The following FAM200A variants were observed in gnomAD, a reference collection of about 807,000 sequenced individuals.
FAM200A encodes the protein protein FAM200A.
Under a neutral mutation model 44.2 loss-of-function variants are expected in FAM200A, and 26 were observed. That is an observed-to-expected ratio of 0.59 (90% CI 0.43 to 0.82). The LOEUF (loss-of-function observed/expected upper bound fraction) is 0.82. Ranked by LOEUF, FAM200A falls within the 40% of genes least tolerant of loss-of-function variation. The pLI, the probability that FAM200A is intolerant of heterozygous loss-of-function variation, is 0.00. For missense variants in FAM200A, 606 were observed against 669.5 expected (o/e 0.91, Z 1.05); for synonymous variants, 206 against 244.4 (o/e 0.84, Z 1.47).
At chr7:99,551,187 A>C (rs770474380) in intron 1 of FAM200A, among the ~76,000 whole-genome samples, 5 of 152,054 alleles carry the variant, frequency 3.3e-5, no homozygotes, top group Non-Finnish European at 7.4e-5. Flanking sequence ...AGTAGGCTTC[A>C]AACATTCTCT....
intron 1 of FAM200A, among the ~76,000 whole-genome samples, chr7:99,549,249 C>G (rs1802473356): frequency 6.8e-6 from 1 of 146,858 alleles, no homozygotes; most frequent in African/African-American, 2.5e-5. Context: ...TACATAGATC[C>G]ATGAATTATT....
At chr7:99,555,041 T>A (rs551994231), upstream of FAM200A, among the ~76,000 whole-genome samples, 1 of 152,230 alleles carries the variant, frequency 6.6e-6, no homozygotes, top group Non-Finnish European at 1.5e-5. Flanking sequence ...GGTTGAATTG[T>A]ACCTCCACCT....
upstream of FAM200A, among the ~76,000 whole-genome samples, chr7:99,553,913 G>C (rs1802624413): frequency 6.6e-6 from 1 of 152,162 alleles, no homozygotes; most frequent in Non-Finnish European, 1.5e-5. Context: ...CTTGGCTATC[G>C]GTGGGTTCCT....
upstream of FAM200A, among the ~76,000 whole-genome samples, chr7:99,553,099 A>ATATAT (rs1254408398): frequency 1.3e-4 from 8 of 61,418 alleles, no homozygotes; most frequent in African/African-American, 3.0e-4. Context: ...ATATATATAT[A>ATATAT]TTTTTTTTTT....
chr7:99,548,617 T>C, intron 1 of FAM200A, 111 bp from the exon 2 acceptor site: 12 of 892,452 alleles, frequency 1.3e-5, no homozygotes, highest in Non-Finnish European at 2.0e-5. Flanking sequence ...TGGTAAATGA[T>C]GAGCAACTGT....
upstream of FAM200A, among the ~76,000 whole-genome samples, chr7:99,553,306 T>G (rs932060929): frequency 6.6e-5 from 10 of 151,718 alleles, no homozygotes; most frequent in African/African-American, 2.2e-4. Context: ...TTCTTCTTTG[T>G]CTAAAGTCTC....
chr7:99,547,354 CAA>C lies in FAM200A; in HGVS notation c.1052_1053del (p.Phe351TrpfsTer4). ...TTCAGGCTTAATTCATTAAGAATGC[CAA>C]AAATATCACTTAAATATGCCAATTT... ...VTKLAYLSDI[F>X]GILNELSLKM... On this transcript the variant is annotated frameshift_variant, in exon 2 of 2. Coordinates refer to ENST00000449309, the MANE Select transcript of FAM200A (RefSeq NM_145111.4). LOFTEE classifies it high-confidence loss of function. The C allele has an allele frequency of 6.5e-7, 1 of 1,549,200 alleles. No individual in the cohort carries two copies. The highest frequency in any genetic ancestry group is 8.7e-7 in the Non-Finnish European group (1 of 1,145,982).
At position 99,547,218 on chromosome 7, in the gene FAM200A, T is replaced by G. The variant is rs766837243; in HGVS notation, c.1190A>C (p.Tyr397Ser). 13 of 1,550,590 alleles carry G rather than the reference T, an allele frequency of 8.4e-6. No individual in the cohort carries two copies. In the South Asian group the frequency reaches 1.6e-4, roughly 19 times the overall value. Residue 397 changes from tyrosine to serine, a missense_variant, in exon 2 of 2, where the codon TAT (tyrosine) becomes TCT (serine). Physicochemically the swap from Tyr to Ser is moderately radical, Grantham distance 144. Transcript: ENST00000449309. Reference protein sequence around the residue: ...ARLKSNRPSYYMFPTLLQHIE... With the variant: ...ARLKSNRPSYSMFPTLLQHIE... ...GTGTTGCAATAATGTTGGAAACATATAGTAGCTAGGGCGGTTACTTTTAAG... is the reference window on the plus strand; with the variant it reads ...GTGTTGCAATAATGTTGGAAACATAGAGTAGCTAGGGCGGTTACTTTTAAG...
Position 99,548,524 on chromosome 7 carries a change from G to A in FAM200A, c.-99-18C>T, listed in dbSNP as rs910482085. ...TTGCTATCCTGCAGGGTAGAAAAAC[G>A]TAACAGCAGTATTAAAAAGCAACAT... On this transcript the variant is annotated intron_variant, in intron 1 of 1. Coordinates refer to ENST00000449309, the MANE Select transcript of FAM200A (RefSeq NM_145111.4). The A allele has an allele frequency of 1.9e-5, 28 of 1,470,872 alleles. No individual in the cohort carries two copies. In the East Asian group the frequency reaches 5.0e-4, roughly 26 times the overall value. The allele number at this position is 1,470,872 out of a possible 1,614,324, so 91.1% of individuals were successfully genotyped here.
rs1406123554 is a variant in FAM200A, at chr7:99,548,158, T to C, written c.250A>G (p.Ile84Val). 3 of 1,552,252 alleles carry C rather than the reference T, an allele frequency of 1.9e-6. No homozygotes were observed. The East Asian group carries it at 7.3e-5, about 38-fold the overall frequency. ...ATGTCCATACATGCTGGAAGGATAA[T>C]TTTTTCAGCCGCTGTGTGAGCCATT... ...EKMAHTAAEKIILPACMDMVR... is the reference protein window; with the variant it reads ...EKMAHTAAEKVILPACMDMVR... The change falls in exon 2 of 2, where the codon ATT (isoleucine) becomes GTT (valine). Residue 84 changes from isoleucine (I) to valine (V), a missense_variant. Physicochemically the swap from Ile to Val is conservative, Grantham distance 29 (BLOSUM62 3). Coordinates refer to ENST00000449309, the MANE Select transcript of FAM200A (RefSeq NM_145111.4).
In FAM200A at chr7:99,547,087, C is replaced by T; in HGVS notation, c.1321G>A (p.Glu441Lys). 1.9e-6 allele frequency: 3 copies of T among 1,546,506 alleles called. No homozygotes were observed. The highest frequency in any genetic ancestry group is 2.6e-6 in the Non-Finnish European group (3 of 1,145,778). The part of the protein sequence containing the change: ...SQTFNYYFPE[E>K]KFESLKENIW... ...TTTTCCTTTAATGATTCAAATTTCT[C>T]TTCCGGAAAGTAATAATTAAAAGTT... Residue 441 changes from glutamate (E) to lysine (K), a missense_variant, in exon 2 of 2, where the codon GAG becomes AAG. Glu to Lys is a moderately conservative substitution (Grantham distance 56). Transcript: ENST00000449309.
chr7:99,553,414 A>T (rs1802612171), upstream of FAM200A, among the ~76,000 whole-genome samples: 1 of 152,002 alleles, frequency 6.6e-6, no homozygotes, highest in Non-Finnish European at 1.5e-5. Flanking sequence ...TTTTGTATTT[A>T]TGTTGTGTGT....
At position 99,546,952 on chromosome 7, in the gene FAM200A, G is replaced by C. The variant is rs373900720; in HGVS notation, c.1456C>G (p.Leu486Val). ...CTTAATATCTTATAATAATTCTTTA[G>C]TGTGAATGATGAACTGAGCTGCAAT... is the stretch of plus-strand genomic sequence containing the variant. ...ELLQLSSSFTLKNYYKILSLS... is the reference protein window; with the variant it reads ...ELLQLSSSFTVKNYYKILSLS... Residue 486 changes from leucine (L) to valine (V), a missense_variant, in exon 2 of 2, where the codon CTA becomes GTA. Leu to Val is a conservative substitution (Grantham distance 32, BLOSUM62 1). Transcript: ENST00000449309. 5 of 1,549,576 alleles carry C rather than the reference G, an allele frequency of 3.2e-6. No individual in the cohort carries two copies. Among genetic ancestry groups the C allele is most frequent in the Non-Finnish European group, 4.4e-6 (5 of 1,146,590 alleles).
At chr7:99,554,349 T>A (rs534309506), upstream of FAM200A, among the ~76,000 whole-genome samples, 12 of 151,880 alleles carry the variant, frequency 7.9e-5, no homozygotes, top group Admixed American at 5.9e-4. Context: ...TACGGTGGTG[T>A]GTGCCTGTAG....
In FAM200A at chr7:99,546,847, T is replaced by G. The variant is rs1802398409; in HGVS notation, c.1561A>C (p.Thr521Pro). Residue 521 changes from threonine (T) to proline (P), a missense_variant, in exon 2 of 2, where the codon ACA (threonine) becomes CCA (proline). By Grantham distance (38) the Thr-to-Pro change is conservative. Coordinates refer to ENST00000449309, the MANE Select transcript of FAM200A (RefSeq NM_145111.4). The stretch of plus-strand genomic sequence containing the variant: ...CCTAGTTCACACAAATATGTAGTTG[T>G]GAATGGTAGTAACAGCAATATACTC... Reference protein sequence around the residue: ...RKSILLLLPFTTTYLCELGFS... With the variant: ...RKSILLLLPFPTTYLCELGFS... 6.4e-7 allele frequency: 1 copy of G among 1,551,536 alleles called. No homozygotes were observed. Among genetic ancestry groups the G allele is most frequent in the East Asian group, 2.4e-5 (1 of 40,924 alleles).
chr7:99,548,948 C>T (rs1351568159), intron 1 of FAM200A, among the ~76,000 whole-genome samples: 1 of 120,334 alleles, frequency 8.3e-6, no homozygotes, highest in African/African-American at 3.2e-5. Flanking sequence ...GGCACGATCT[C>T]GGCTCACTGC....
Position 99,546,740 on chromosome 7 carries a change from T to C in FAM200A, c.1668A>G (p.Ser556=), listed in dbSNP as rs1802394412. The C allele has an allele frequency of 8.4e-6, 13 of 1,547,636 alleles. No individual in the cohort carries two copies. The highest frequency in any genetic ancestry group is 1.1e-5 in the Non-Finnish European group (13 of 1,145,810). Reference sequence around the variant, plus strand: ...TAAGTTCCTTCCAGTCAGGAACACATGAAGATAATGCTACCCGCATATCTG... The same window carrying C: ...TAAGTTCCTTCCAGTCAGGAACACACGAAGATAATGCTACCCGCATATCTG... The part of the protein sequence containing the change: ...SAPDMRVALS[S]CVPDWKELMN... The change falls in exon 2 of 2, where the codon TCA becomes TCG. Residue 556 remains serine, a synonymous_variant. Coordinates refer to ENST00000449309, the MANE Select transcript of FAM200A (RefSeq NM_145111.4).
intron 1 of FAM200A, among the ~76,000 whole-genome samples, chr7:99,549,263 G>A (rs891159884): frequency 6.7e-6 from 1 of 149,434 alleles, no homozygotes; most frequent in African/African-American, 2.5e-5. Context: ...AATTATTCTG[G>A]AGGGAGAATG....
At position 99,547,352 on chromosome 7, in the gene FAM200A, G is replaced by A. The variant is rs755406179; in HGVS notation, c.1056C>T (p.Gly352=). 1.8e-5 allele frequency: 28 copies of A among 1,549,412 alleles called. No individual in the cohort carries two copies. Among genetic ancestry groups the A allele is most frequent in the Non-Finnish European group, 2.4e-5 (27 of 1,146,118 alleles). Residue 352 remains glycine, a synonymous_variant, in exon 2 of 2, where the codon GGC becomes GGT. Coordinates refer to ENST00000449309, the MANE Select transcript of FAM200A (RefSeq NM_145111.4). ...TTTTCAGGCTTAATTCATTAAGAAT[G>A]CCAAAAATATCACTTAAATATGCCA... ...TKLAYLSDIF[G]ILNELSLKMQ...
Sources: allele counts gnomAD v4.1 joint callset (sites outside exome capture counted in the v4.1 genomes callset), GRCh38; gene constraint gnomAD v4.1.1; transcripts MANE v1.5; gene names NCBI Gene and HGNC (gene_info 2026-07-23, HGNC 2026-07-21).